Variants in ROBO1 observed in about 807,000 individuals in gnomAD.
The protein encoded by ROBO1 is roundabout homolog 1.
A neutral mutation model predicts 195.9 loss-of-function variants in ROBO1; 149 were observed. The ratio of observed to expected loss-of-function variants is 0.76; its 90% confidence interval spans 0.67 to 0.87. ROBO1 has a LOEUF of 0.87. ROBO1 is among the 40% of genes least tolerant of loss of function. The pLI is 0.00. For synonymous variants in ROBO1, 816 were observed against 733.2 expected, an observed-to-expected ratio of 1.11 and a Z score of -1.82; for missense variants, 1,933 against 2,068.3, an observed-to-expected ratio of 0.93 and a Z score of 1.27.
At chr3:78,685,476 A>G (rs1284229314) in intron 10 of ROBO1, among the ~76,000 whole-genome samples, 1 of 152,174 alleles carries the variant, frequency 6.6e-6, no homozygotes, top group Non-Finnish European at 1.5e-5. Context: ...TTTCCAAAAC[A>G]TAGATACAGT....
At chr3:79,543,415 G>A (rs747060726) in intron 2 of ROBO1, among the ~76,000 whole-genome samples, 2 of 151,886 alleles carry the variant, frequency 1.3e-5, no homozygotes, top group Non-Finnish European at 2.9e-5. Context: ...AATTACTATG[G>A]GGTACCTCCA....
chr3:78,717,237 T>A (rs1201418867), intron 7 of ROBO1, 38 bp downstream of exon 7: 1 of 1,516,922 alleles, frequency 6.6e-7, no homozygotes, highest in African/African-American at 1.4e-5. Flanking sequence ...GTAGAAATGC[T>A]GAGTTGACAA....
intron 9 of ROBO1, among the ~76,000 whole-genome samples, chr3:78,686,673 C>T (rs1159055902): frequency 6.6e-6 from 1 of 151,954 alleles, no homozygotes; most frequent in Non-Finnish European, 1.5e-5. Context: ...ATATTAAGAC[C>T]TTTAATATAT....
chr3:79,741,695 G>T (rs1703657050), intron 1 of ROBO1, among the ~76,000 whole-genome samples: 1 of 152,170 alleles, frequency 6.6e-6, no homozygotes, highest in Non-Finnish European at 1.5e-5. Context: ...GGTTGGAACA[G>T]TTTGGAGGAC....
At chr3:79,738,590 G>A (rs902986885) in intron 1 of ROBO1, among the ~76,000 whole-genome samples, 1 of 152,220 alleles carries the variant, frequency 6.6e-6, no homozygotes, top group Non-Finnish European at 1.5e-5. Flanking sequence ...TAAAAACAAC[G>A]AAGAGTTCAG....
intron 2 of ROBO1, among the ~76,000 whole-genome samples, chr3:79,220,472 C>G (rs1180903557): frequency 6.6e-6 from 1 of 151,962 alleles, no homozygotes; most frequent in Admixed American, 6.6e-5. Context: ...ATTTCTATTT[C>G]CAATTCATTG....
rs116092711 is a variant in ROBO1 at position 79,124,963 on chromosome 3, A to T, written c.172+493T>A. On this transcript the variant is annotated intron_variant, in intron 3 of 30. Transcript: ENST00000464233. ...GAAGTCGTTGGTGTATAAGGTAACA[A>T]TAAGTCATGCAAACACAATCCAAAG... Among the ~76,000 whole-genome samples the T allele has an allele frequency of 8.2e-3, 1,254 of 152,270 alleles. 21 individuals carry two copies. The highest frequency in any genetic ancestry group is 0.029 in the African/African-American group (1,204 of 41,560).
At chr3:79,530,302 C>T (rs546864073) in intron 2 of ROBO1, among the ~76,000 whole-genome samples, 7 of 152,038 alleles carry the variant, frequency 4.6e-5, no homozygotes, top group Non-Finnish European at 8.8e-5. Flanking sequence ...GCATGAGGTA[C>T]CACCGACAAT....
chr3:78,623,095 G>A (rs191311746), intron 26 of ROBO1, among the ~76,000 whole-genome samples: 108 of 152,298 alleles, frequency 7.1e-4, no homozygotes, highest in African/African-American at 2.5e-3. Flanking sequence ...AGGAACTCGG[G>A]CACTATGTTA....
intron 4 of ROBO1, among the ~76,000 whole-genome samples, chr3:78,885,767 T>C (rs1011993857): frequency 5.9e-5 from 9 of 151,314 alleles, no homozygotes; most frequent in African/African-American, 2.2e-4. Context: ...AAGACTAGAT[T>C]TGAACTTCAT....
At chr3:79,463,217 C>T (rs1937747715) in intron 2 of ROBO1, among the ~76,000 whole-genome samples, 1 of 151,754 alleles carries the variant, frequency 6.6e-6, no homozygotes, top group Non-Finnish European at 1.5e-5. Flanking sequence ...ACTAAAAGTA[C>T]AAAAAAAGTT....
chr3:79,294,091 A>AAAAG (rs2032437283), intron 2 of ROBO1, among the ~76,000 whole-genome samples: 1 of 150,390 alleles, frequency 6.6e-6, no homozygotes, highest in African/African-American at 2.4e-5. Flanking sequence ...AAAGAAAGAA[A>AAAAG]AAACTACTTT....
chr3:79,589,037 A>C (rs1434298867), intron 2 of ROBO1, among the ~76,000 whole-genome samples: 3 of 151,744 alleles, frequency 2.0e-5, no homozygotes, highest in Non-Finnish European at 4.4e-5. Context: ...AAAGTTTCAT[A>C]GTATGGTCTA....
intron 3 of ROBO1, among the ~76,000 whole-genome samples, chr3:79,104,435 G>A (rs188555156): frequency 4.6e-5 from 7 of 151,658 alleles, no homozygotes; most frequent in Admixed American, 6.6e-5. Context: ...ATGTTGTACT[G>A]AATATTACTA....
intron 4 of ROBO1, among the ~76,000 whole-genome samples, chr3:78,869,219 A>T (rs2035387044): frequency 6.6e-6 from 1 of 152,176 alleles, no homozygotes; most frequent in Non-Finnish European, 1.5e-5. Context: ...ATTTGAATTC[A>T]TCTGCCTCTT....
At chr3:79,757,194 G>C (rs905619605) in intron 1 of ROBO1, among the ~76,000 whole-genome samples, 1 of 152,056 alleles carries the variant, frequency 6.6e-6, no homozygotes, top group Admixed American at 6.6e-5. Context: ...AGAATTGCTG[G>C]ATTATTTAAT....
At chr3:78,725,387 T>C (rs2082138178) in intron 5 of ROBO1, among the ~76,000 whole-genome samples, 1 of 152,316 alleles carries the variant, frequency 6.6e-6, no homozygotes, top group African/African-American at 2.4e-5. Flanking sequence ...AAAAAAATGT[T>C]TTAGAGATGT....
chr3:79,247,803 C>T (rs1053198584), intron 2 of ROBO1, among the ~76,000 whole-genome samples: 1 of 152,072 alleles, frequency 6.6e-6, no homozygotes, highest in Non-Finnish European at 1.5e-5. Flanking sequence ...ATTTGTACAA[C>T]AAACACAAGC....
At chr3:79,096,283 A>G (rs903293607) in intron 3 of ROBO1, among the ~76,000 whole-genome samples, 3 of 151,966 alleles carry the variant, frequency 2.0e-5, no homozygotes, top group Admixed American at 6.6e-5. Context: ...ATGTAGGCAT[A>G]TGGTCTTAGA....
Sources: allele counts gnomAD v4.1 joint callset (sites outside exome capture counted in the v4.1 genomes callset), GRCh38; gene constraint gnomAD v4.1.1; transcripts MANE v1.5; gene names NCBI Gene and HGNC (gene_info 2026-07-23, HGNC 2026-07-21).